DACH2: variants seen among roughly 807,000 people sequenced by gnomAD.
DACH2 encodes the protein dachshund homolog 2.
In DACH2, 17 loss-of-function variants were observed where a neutral mutation model predicts 35.8. The ratio of observed to expected loss-of-function variants is 0.48; its 90% CI spans 0.33 to 0.71. DACH2 has a LOEUF of 0.71. DACH2 is among the 30% of genes least tolerant of loss of function. DACH2 has a pLI of 0.02. For missense variants in DACH2, 469 were observed against 472.7 expected (o/e 0.99, Z 0.07); for synonymous variants, 195 against 177.3 (o/e 1.10, Z -0.79).
chrX:86,240,490 A>T (rs1020027771), intron 1 of DACH2, among the ~76,000 whole-genome samples: 20 of 106,009 alleles, frequency 1.9e-4, no homozygotes, highest in African/African-American at 6.9e-4. Flanking sequence ...ACTTTTTGAG[A>T]CATAGTCTTG....
At chrX:86,775,310 C>T (rs1324649344) in intron 7 of DACH2, among the ~76,000 whole-genome samples, 1 of 111,085 alleles carries the variant, frequency 9.0e-6, no homozygotes, top group African/African-American at 3.3e-5. Context: ...AGGTCTGTGG[C>T]CTGTTAGGGT....
intron 6 of DACH2, among the ~76,000 whole-genome samples, chrX:86,732,119 A>G (rs1226209879): frequency 8.9e-6 from 1 of 112,026 alleles, no homozygotes; most frequent in African/African-American, 3.2e-5. Flanking sequence ...GTTCCATTGG[A>G]CAGCACTCCA....
At chrX:86,766,712 G>C (rs1456767158) in intron 7 of DACH2, among the ~76,000 whole-genome samples, 1 of 111,701 alleles carries the variant, frequency 9.0e-6, no homozygotes, top group Non-Finnish European at 1.9e-5. Flanking sequence ...GGCTTTCAAG[G>C]CCCAATTACT....
chrX:86,462,125 T>A (rs979402818), intron 2 of DACH2, among the ~76,000 whole-genome samples: 1 of 110,020 alleles, frequency 9.1e-6, no homozygotes, highest in Non-Finnish European at 1.9e-5. Context: ...TTTATTTACT[T>A]GAAAACCTTA....
intron 2 of DACH2, among the ~76,000 whole-genome samples, chrX:86,466,120 TG>T (rs923518668): frequency 9.0e-6 from 1 of 111,620 alleles, no homozygotes; most frequent in African/African-American, 3.3e-5. Flanking sequence ...CTCAGAATCA[TG>T]GTGGGAGGTA....
chrX:86,651,222 A>C, intron 4 of DACH2, 55 bp downstream of exon 4: 4 of 1,148,096 alleles, frequency 3.5e-6, no homozygotes, highest in Non-Finnish European at 2.3e-6. Context: ...ATTGTGGGGC[A>C]GGAGAGAGGT....
chrX:86,406,378 G>A (rs777512633), intron 2 of DACH2, among the ~76,000 whole-genome samples: 5 of 111,338 alleles, frequency 4.5e-5, no homozygotes, highest in South Asian at 3.8e-4. Context: ...ATAGACAGTG[G>A]GGACTACTAG....
At chrX:86,706,044 T>C (rs142971513) in intron 5 of DACH2, among the ~76,000 whole-genome samples, 4,564 of 111,331 alleles carry the variant, frequency 0.041, 123 homozygotes, top group East Asian at 0.14. Context: ...TTAAGCTATG[T>C]GTATGAAAAG....
At chrX:86,816,519 C>A (rs2042453831) in intron 11 of DACH2, among the ~76,000 whole-genome samples, 1 of 111,947 alleles carries the variant, frequency 8.9e-6, no homozygotes. Context: ...TCATTGTAAC[C>A]TATCAAAATT....
intron 3 of DACH2, among the ~76,000 whole-genome samples, chrX:86,592,308 G>T (rs1296136392): frequency 1.8e-5 from 2 of 111,771 alleles, no homozygotes; most frequent in Non-Finnish European, 3.8e-5. Context: ...TTTGCAGTTT[G>T]TCAAAGTTGA....
chrX:86,565,522 A>G (rs913416808), intron 3 of DACH2, among the ~76,000 whole-genome samples: 1 of 111,738 alleles, frequency 8.9e-6, no homozygotes, highest in Non-Finnish European at 1.9e-5. Flanking sequence ...TCTAATGGAT[A>G]GTAAACTTTG....
chrX:86,443,306 A>G (rs2037202681), intron 2 of DACH2, among the ~76,000 whole-genome samples: 1 of 110,968 alleles, frequency 9.0e-6, no homozygotes, highest in South Asian at 3.7e-4. Context: ...TAAACATTTT[A>G]TTTTTTGTAC....
chrX:86,742,730 A>G (rs1489734306), intron 7 of DACH2: 1 of 295,871 alleles, frequency 3.4e-6, no homozygotes, highest in Admixed American at 3.6e-5. Flanking sequence ...AATTAAGGTA[A>G]AATGATTTTT....
chrX:86,653,142 C>T (rs191950461), intron 4 of DACH2, among the ~76,000 whole-genome samples: 2 of 111,826 alleles, frequency 1.8e-5, no homozygotes, highest in Admixed American at 9.5e-5. Flanking sequence ...TTTCAGTCTT[C>T]GGCATACAGC....
intron 2 of DACH2, among the ~76,000 whole-genome samples, chrX:86,417,163 C>A (rs932110241): frequency 9.4e-6 from 1 of 105,952 alleles, no homozygotes; most frequent in Non-Finnish European, 1.9e-5. Flanking sequence ...AGAAGACACT[C>A]CATTACTGTG....
intron 2 of DACH2, among the ~76,000 whole-genome samples, chrX:86,467,943 C>G (rs921210092): frequency 9.0e-6 from 1 of 111,251 alleles, no homozygotes; most frequent in African/African-American, 3.3e-5. Context: ...GTTTTCTCCC[C>G]TGGGTCCCTC....
At chrX:86,316,097 C>T (rs1166645879) in intron 1 of DACH2, among the ~76,000 whole-genome samples, 1 of 106,249 alleles carries the variant, frequency 9.4e-6, no homozygotes, top group African/African-American at 3.4e-5. Flanking sequence ...CAGACTCAGT[C>T]TGTCCTGCTC....
At position 86,527,126 on chromosome X, in the gene DACH2, G is replaced by T. The variant is rs888079393; in HGVS notation, c.640+12735G>T. ...ATATTGGGTGAAAATTTAATAATCA[G>T]TTGATAGATGTCTGCCTATCTATAG... On this transcript the variant is annotated intron_variant, in intron 3 of 11. Transcript: ENST00000373125. Among the ~76,000 whole-genome samples the T allele has an allele frequency of 4.5e-5, 5 of 111,370 alleles. No homozygotes were observed. In the Admixed American group the frequency reaches 4.8e-4, roughly 11 times the overall value.
At chrX:86,356,174 T>G (rs2035638670) in intron 1 of DACH2, among the ~76,000 whole-genome samples, 1 of 112,054 alleles carries the variant, frequency 8.9e-6, no homozygotes, top group African/African-American at 3.2e-5. Context: ...GGTTTTACAT[T>G]TAAATATTTA....
Sources: gnomAD v4.1 joint callset for allele counts (sites outside exome capture counted in the v4.1 genomes callset) on GRCh38, gnomAD v4.1.1 for gene constraint, MANE v1.5 for transcripts, NCBI Gene and HGNC (gene_info 2026-07-23, HGNC 2026-07-21) for gene names.